The following AKR1C3 variants were observed in gnomAD, a reference collection of about 807,000 sequenced individuals.
The protein encoded by AKR1C3 is 3-alpha hydroxysteroid dehydrogenase, type II.
AKR1C3 carries 48 observed loss-of-function variants against 43.6 expected under a neutral mutation model. That is an observed-to-expected ratio of 1.10 (90% confidence interval 0.87 to 1.40). AKR1C3 has a LOEUF of 1.40. Ranked by LOEUF, AKR1C3 falls within the 40% of genes most tolerant of loss-of-function variation. The pLI, the probability that AKR1C3 is intolerant of heterozygous loss-of-function variation, is 0.00. For synonymous variants in AKR1C3, 162 were observed against 139.6 expected (o/e 1.16, Z -1.13); for missense variants, 482 against 391.2 (o/e 1.23, Z -1.96).
At chr10:5,086,849 T>C (rs1377460902) in intron 1 of AKR1C3, among the ~76,000 whole-genome samples, 1 of 152,210 alleles carries the variant, frequency 6.6e-6, no homozygotes, top group Non-Finnish European at 1.5e-5. Flanking sequence ...TTTGTCTCTT[T>C]TGATCTTTGT....
chr10:5,070,363 A>G (rs533452575), intron 1 of AKR1C3, among the ~76,000 whole-genome samples: 1 of 152,304 alleles, frequency 6.6e-6, no homozygotes, highest in East Asian at 1.9e-4. Flanking sequence ...ATAATGAAGC[A>G]ACAAAAGTAG....
intron 7 of AKR1C3, among the ~76,000 whole-genome samples, chr10:5,103,285 AAATTTCACATATTT>A (rs1554786434): frequency 1.3e-5 from 2 of 152,066 alleles, no homozygotes; most frequent in East Asian, 3.9e-4. Flanking sequence ...CGCTCAGTTA[AAATTTCACATATTT>A]ATTCACTTGG....
chr10:5,096,480 C>G lies in AKR1C3; in HGVS notation c.155C>G (p.Ala52Gly), dbSNP rs139011578. The change falls in exon 2 of 9, where the codon GCT becomes GGT. Residue 52 changes from alanine (A) to glycine (G), a missense_variant. Ala to Gly is a moderately conservative substitution (Grantham distance 60, BLOSUM62 0). Coordinates refer to ENST00000380554, the MANE Select transcript of AKR1C3 (RefSeq NM_003739.6). Reference sequence around the variant, plus strand: ...GCTGGGTTCCGCCATATAGATTCTGCTCATTTATACAATAATGAGGAGCAG... The same window carrying G: ...GCTGGGTTCCGCCATATAGATTCTGGTCATTTATACAATAATGAGGAGCAG... ...IEAGFRHIDS[A>G]HLYNNEEQVG... is the part of the protein sequence containing the mutation. 2.7e-4 allele frequency: 437 copies of G among 1,613,828 alleles called. 1 individual carries two copies. Among genetic ancestry groups the G allele is most frequent in the Middle Eastern group, 2.5e-3 (15 of 6,060 alleles).
intron 1 of AKR1C3, among the ~76,000 whole-genome samples, chr10:5,078,781 T>C (rs1301830524): frequency 6.6e-6 from 1 of 152,188 alleles, no homozygotes; most frequent in African/African-American, 2.4e-5. Flanking sequence ...GTGAATAGCA[T>C]GGTAAGTTGA....
chr10:5,074,090 T>C (rs1001373873), intron 1 of AKR1C3, among the ~76,000 whole-genome samples: 2 of 152,180 alleles, frequency 1.3e-5, no homozygotes, highest in East Asian at 1.9e-4. Context: ...CTCTTATCTA[T>C]CTATGACCTG....
intron 1 of AKR1C3, among the ~76,000 whole-genome samples, chr10:5,053,765 T>C (rs1554779244): frequency 1.3e-5 from 2 of 152,204 alleles, no homozygotes; most frequent in South Asian, 4.1e-4. Flanking sequence ...GGCCCTGCAG[T>C]TGTAGTGTCC....
intron 1 of AKR1C3, chr10:5,078,055 TACCATTACAAAA>T: frequency 1.6e-6 from 1 of 639,420 alleles, no homozygotes; most frequent in Non-Finnish European, 2.8e-6. Flanking sequence ...TAAATGGAAA[TACCATTACAAAA>T]ACAGAAAGCT....
chr10:5,104,529 T>TA (rs1233959460), intron 7 of AKR1C3, among the ~76,000 whole-genome samples: 2 of 136,408 alleles, frequency 1.5e-5, no homozygotes, highest in Non-Finnish European at 3.4e-5. Context: ...TTTTTCTAAC[T>TA]CTTTATTTTA....
intron 1 of AKR1C3, among the ~76,000 whole-genome samples, chr10:5,064,536 C>G (rs555873304): frequency 3.1e-4 from 47 of 152,152 alleles, no homozygotes; most frequent in African/African-American, 8.7e-4. Context: ...CAAGTGGGAC[C>G]TAATAAACTA....
intron 7 of AKR1C3, 62 bp downstream of exon 7, chr10:5,102,712 T>C: frequency 6.9e-7 from 1 of 1,458,794 alleles, no homozygotes; most frequent in Non-Finnish European, 9.1e-7. Context: ...GTGTGCTTCT[T>C]GTAAGGCTCT....
chr10:5,088,662 A>G (rs1168733409), intron 1 of AKR1C3, among the ~76,000 whole-genome samples: 3 of 151,594 alleles, frequency 2.0e-5, no homozygotes, highest in African/African-American at 7.3e-5. Context: ...TGACATTGAT[A>G]TATCATGTAA....
chr10:5,051,561 A>G (rs1313329736), intron 1 of AKR1C3, among the ~76,000 whole-genome samples: 2 of 152,262 alleles, frequency 1.3e-5, no homozygotes, highest in Non-Finnish European at 2.9e-5. Context: ...CTTCCTAGAA[A>G]TCACTGTGCT....
chr10:5,091,042 G>C (rs1244922113), upstream of AKR1C3, among the ~76,000 whole-genome samples: 2 of 152,044 alleles, frequency 1.3e-5, no homozygotes, highest in African/African-American at 2.4e-5. Flanking sequence ...TGTAGGATGA[G>C]AGTAATTAGA....
chr10:5,088,472 TGTA>T (rs1459896141), intron 1 of AKR1C3, among the ~76,000 whole-genome samples: 3 of 152,038 alleles, frequency 2.0e-5, no homozygotes, highest in African/African-American at 7.2e-5. Flanking sequence ...TTTTCTTAGG[TGTA>T]GTAGTATTTC....
chr10:5,058,767 T>A (rs1430618396), intron 1 of AKR1C3, among the ~76,000 whole-genome samples: 1 of 152,124 alleles, frequency 6.6e-6, no homozygotes, highest in African/African-American at 2.4e-5. Flanking sequence ...GAAGGTTGGA[T>A]TTAGTGGCTC....
At chr10:5,066,522 G>T (rs1214001625) in intron 1 of AKR1C3, among the ~76,000 whole-genome samples, 2 of 152,062 alleles carry the variant, frequency 1.3e-5, no homozygotes, top group African/African-American at 4.8e-5. Context: ...CCTAGTGATG[G>T]TTGCATATAA....
intron 1 of AKR1C3, among the ~76,000 whole-genome samples, chr10:5,063,876 G>T (rs1455075109): frequency 6.7e-6 from 1 of 150,040 alleles, no homozygotes; most frequent in Non-Finnish European, 1.5e-5. Context: ...GAAAGGCTCT[G>T]TGAGGCAGCT....
intron 7 of AKR1C3, among the ~76,000 whole-genome samples, chr10:5,104,503 C>T (rs587709733): frequency 8.6e-5 from 13 of 151,546 alleles, no homozygotes; most frequent in Non-Finnish European, 3.0e-5. Flanking sequence ...GTCTTGCTAC[C>T]AGAATGGTAC....
At chr10:5,075,529 A>G (rs2131809841) in intron 1 of AKR1C3, among the ~76,000 whole-genome samples, 1 of 152,150 alleles carries the variant, frequency 6.6e-6, no homozygotes, top group South Asian at 2.1e-4. Context: ...GTAGACACTT[A>G]TTCTCAATCA....
Sources: allele counts gnomAD v4.1 joint callset (sites outside exome capture counted in the v4.1 genomes callset), GRCh38; gene constraint gnomAD v4.1.1; transcripts MANE v1.5; gene names NCBI Gene and HGNC (gene_info 2026-07-23, HGNC 2026-07-21).